The following CYP7B1 variants were observed in gnomAD, a reference collection of about 807,000 sequenced individuals.
CYP7B1 encodes cytochrome P450 family 7 subfamily B member 1.
In CYP7B1, 29 loss-of-function variants were observed where a neutral mutation model predicts 42.7. The ratio of observed to expected loss-of-function variants is 0.68; its 90% CI spans 0.51 to 0.93. The LOEUF (loss-of-function observed/expected upper bound fraction) is 0.93. Ranked by LOEUF, CYP7B1 falls within the 40% of genes least tolerant of loss-of-function variation. The pLI, the probability that CYP7B1 is intolerant of heterozygous loss-of-function variation, is 0.00. For missense variants in CYP7B1, 655 were observed against 600.5 expected, an observed-to-expected ratio of 1.09 and a Z score of -0.95; for synonymous variants, 235 against 218.2, an observed-to-expected ratio of 1.08 and a Z score of -0.68.
At chr8:64,785,157 A>T (rs1804500805) in intron 1 of CYP7B1, among the ~76,000 whole-genome samples, 1 of 152,350 alleles carries the variant, frequency 6.6e-6, no homozygotes, top group African/African-American at 2.4e-5. Flanking sequence ...AACAATAAGT[A>T]TCACTTCACA....
rs150380599 is a variant in CYP7B1, at chr8:64,771,355, C to G, written c.122+27111G>C. On this transcript the variant is annotated intron_variant, in intron 1 of 5. Transcript: ENST00000310193. ...GATTACAGTCGTGAGCCACCATGCC[C>G]AGCCTCATTCTTTTTAAAAATGTAC... 2.0e-4 allele frequency among the ~76,000 whole-genome samples: 31 copies of G among 152,130 alleles called. 1 individual carries two copies. In the East Asian group the frequency reaches 5.4e-3, roughly 27 times the overall value.
intron 1 of CYP7B1, among the ~76,000 whole-genome samples, chr8:64,714,449 T>G (rs559832446): frequency 6.6e-6 from 1 of 152,314 alleles, no homozygotes; most frequent in South Asian, 2.1e-4. Context: ...TCTGGAGGAA[T>G]GGGTACTTGT....
intron 1 of CYP7B1, among the ~76,000 whole-genome samples, chr8:64,710,799 T>G (rs1807068544): frequency 6.7e-6 from 1 of 149,528 alleles, no homozygotes; most frequent in Non-Finnish European, 1.5e-5. Context: ...TTATTTATAT[T>G]CTTATATATA....
At position 64,643,188 on chromosome 8, in the gene CYP7B1, T is replaced by TAC. The variant is rs1320319761; in HGVS notation, c.123-18650_123-18649insGT. 2.7e-3 allele frequency among the ~76,000 whole-genome samples: 386 copies of TAC among 142,144 alleles called. 8 individuals carry two copies. The highest frequency in any genetic ancestry group is 9.3e-3 in the African/African-American group (359 of 38,714). 93.3% of individuals were successfully genotyped at this position (142,144 alleles called of 152,430 possible). On this transcript the variant is annotated intron_variant, in intron 1 of 5. Coordinates refer to ENST00000310193, the MANE Select transcript of CYP7B1 (RefSeq NM_004820.5). ...ACATATATACATATATATACATATATATATACACACACACACACACACACA... is the reference window on the plus strand; with the variant it reads ...ACATATATACATATATATACATATATACATATACACACACACACACACACACA...
intron 1 of CYP7B1, among the ~76,000 whole-genome samples, chr8:64,705,127 G>A (rs926583255): frequency 2.0e-5 from 3 of 151,942 alleles, no homozygotes; most frequent in Non-Finnish European, 2.9e-5. Context: ...GCACTTCCTC[G>A]GGGCCAAGTG....
At chr8:64,652,214 AT>A (rs914560386) in intron 1 of CYP7B1, among the ~76,000 whole-genome samples, 3 of 151,854 alleles carry the variant, frequency 2.0e-5, no homozygotes, top group Non-Finnish European at 2.9e-5. Context: ...ACTACTAACA[AT>A]TTTTTTTGCC....
At position 64,615,862 on chromosome 8, in the gene CYP7B1, C is replaced by T. The variant is rs1805433069; in HGVS notation, c.679G>A (p.Val227Ile). The change falls in exon 3 of 6, where the codon GTA becomes ATA. Residue 227 changes from valine to isoleucine, a missense_variant. Physicochemically the swap from Val to Ile is conservative, Grantham distance 29. Transcript: ENST00000310193. ...LKFDDKFAYLVSNIPIELLGN... is the reference protein window; with the variant it reads ...LKFDDKFAYLISNIPIELLGN... ...AGAAGCTCAATGGGTATGTTGGATA[C>T]TAAATATGCAAACTTGTCATCAAAT... is the stretch of plus-strand genomic sequence containing the variant. 2 of 1,613,602 alleles carry T rather than the reference C, an allele frequency of 1.2e-6. No homozygotes were observed. The highest frequency in any genetic ancestry group is 4.5e-5 in the East Asian group (2 of 44,864).
Position 64,752,102 on chromosome 8 carries a change from T to C in CYP7B1, c.122+46364A>G, listed in dbSNP as rs564952018. On this transcript the variant is annotated intron_variant, in intron 1 of 5. Transcript: ENST00000310193. Reference sequence around the variant, plus strand: ...TACTGTGATGAAATGCCAGGCCACCTATAGAATTAGAAAGCAATATCACTC... The same window carrying C: ...TACTGTGATGAAATGCCAGGCCACCCATAGAATTAGAAAGCAATATCACTC... Among the ~76,000 whole-genome samples the C allele has an allele frequency of 1.6e-4, 24 of 151,770 alleles. No homozygotes were observed. In the East Asian group the frequency reaches 4.7e-3, roughly 29 times the overall value.
chr8:64,655,903 C>T (rs1806113716), intron 1 of CYP7B1, among the ~76,000 whole-genome samples: 1 of 152,140 alleles, frequency 6.6e-6, no homozygotes, highest in South Asian at 2.1e-4. Context: ...CAAACTAACG[C>T]TGGAACAGAA....
chr8:64,610,975 AAC>A (rs1805354851), intron 4 of CYP7B1, among the ~76,000 whole-genome samples: 1 of 152,146 alleles, frequency 6.6e-6, no homozygotes, highest in East Asian at 1.9e-4. Flanking sequence ...TAAAACACTT[AAC>A]ACAGTGGCAG....
At chr8:64,681,257 T>C (rs969309698) in intron 1 of CYP7B1, among the ~76,000 whole-genome samples, 1 of 152,206 alleles carries the variant, frequency 6.6e-6, no homozygotes, top group African/African-American at 2.4e-5. Context: ...TCTCTGGGCC[T>C]GTTTCTTTGT....
chr8:64,641,442 T>G (rs1805854645), intron 1 of CYP7B1, among the ~76,000 whole-genome samples: 1 of 152,138 alleles, frequency 6.6e-6, no homozygotes, highest in Non-Finnish European at 1.5e-5. Flanking sequence ...TTTTAAAGTA[T>G]TCAATATCAC....
At chr8:64,798,422 C>G (rs1439842170) in intron 1 of CYP7B1, 44 bp downstream of exon 1, 10 of 1,456,180 alleles carry the variant, frequency 6.9e-6, no homozygotes, top group Non-Finnish European at 8.1e-6. Context: ...GCGCGGCCCG[C>G]GGGGCCCAGG....
chr8:64,611,411 T>A (rs904124386), intron 4 of CYP7B1, among the ~76,000 whole-genome samples: 3 of 152,154 alleles, frequency 2.0e-5, no homozygotes, highest in Admixed American at 2.0e-4. Flanking sequence ...CTTTGAAATA[T>A]TGAAATCGTT....
chr8:64,757,141 A>C (rs560421074), intron 1 of CYP7B1, among the ~76,000 whole-genome samples: 9 of 152,288 alleles, frequency 5.9e-5, no homozygotes, highest in African/African-American at 2.2e-4. Context: ...CAACCAGCAG[A>C]GTGAAAGAAT....
rs559258708 is a variant in CYP7B1 at position 64,737,434 on chromosome 8, A to G, written c.122+61032T>C. 3.3e-5 allele frequency among the ~76,000 whole-genome samples: 5 copies of G among 152,366 alleles called. No individual in the cohort carries two copies. The South Asian group carries it at 1.0e-3, about 32-fold the overall frequency. ...CTCAAATAGCAAAACTAAAAGTGATAAAGTGCACTAGCTCAAATCCAGTAC... is the reference window on the plus strand; with the variant it reads ...CTCAAATAGCAAAACTAAAAGTGATGAAGTGCACTAGCTCAAATCCAGTAC... On this transcript the variant is annotated intron_variant, in intron 1 of 5. Coordinates refer to ENST00000310193, the MANE Select transcript of CYP7B1 (RefSeq NM_004820.5).
intron 4 of CYP7B1, 25 bp from the exon 5 acceptor site, chr8:64,604,882 C>G (rs1358031267): frequency 1.2e-6 from 2 of 1,609,340 alleles, no homozygotes; most frequent in Admixed American, 3.3e-5. Flanking sequence ...CAAACGATAG[C>G]TTATTAAGAT....
At chr8:64,607,680 A>C (rs755504847) in intron 4 of CYP7B1, among the ~76,000 whole-genome samples, 1 of 152,198 alleles carries the variant, frequency 6.6e-6, no homozygotes, top group Admixed American at 6.5e-5. Context: ...CATCCAGCCA[A>C]AACAGGGGAC....
intron 1 of CYP7B1, among the ~76,000 whole-genome samples, chr8:64,743,302 G>T (rs1563412123): frequency 6.6e-6 from 1 of 152,172 alleles, no homozygotes; most frequent in Non-Finnish European, 1.5e-5. Flanking sequence ...CTCTATATCT[G>T]TTAATTGATT....
Sources: gnomAD v4.1 joint callset for allele counts (sites outside exome capture counted in the v4.1 genomes callset) on GRCh38, gnomAD v4.1.1 for gene constraint, MANE v1.5 for transcripts, NCBI Gene and HGNC (gene_info 2026-07-23, HGNC 2026-07-21) for gene names.